DPP6: variants seen among roughly 807,000 people sequenced by gnomAD.
The protein encoded by DPP6 is dipeptidyl peptidase like 6.
Under a neutral mutation model 122.6 loss-of-function variants are expected in DPP6, and 69 were observed. The ratio of observed to expected loss-of-function variants is 0.56; its 90% CI spans 0.46 to 0.69. The LOEUF (loss-of-function observed/expected upper bound fraction) is 0.69. DPP6 is among the 30% of genes least tolerant of loss of function. The pLI, the probability that DPP6 is intolerant of heterozygous loss-of-function variation, is 0.00. For missense variants in DPP6, 928 were observed against 1,116.9 expected (o/e 0.83, Z 2.41); for synonymous variants, 418 against 433.1 (o/e 0.97, Z 0.43).
At chr7:154,505,793 CT>C (rs1250488164) in intron 3 of DPP6, among the ~76,000 whole-genome samples, 1 of 152,092 alleles carries the variant, frequency 6.6e-6, no homozygotes, top group Non-Finnish European at 1.5e-5. Context: ...TAAAGTCGTA[CT>C]TGTCATTTTC....
At position 154,624,313 on chromosome 7, in the gene DPP6, T is replaced by C. The variant is rs1165220300; in HGVS notation, c.628-13508T>C. ...CTGCACTCCAGCCAGGGCGACAGAG[T>C]GAGACTCCATCTTAAAAAAAAAAAA... On this transcript the variant is annotated intron_variant, in intron 5 of 25. Transcript: ENST00000377770. This position sits in a 1 kb window ranked among gnomAD's most constrained non-coding sequence, Gnocchi z 4.7. 8.0e-6 allele frequency among the ~76,000 whole-genome samples: 1 copy of C among 124,322 alleles called. No individual in the cohort carries two copies. The highest frequency in any genetic ancestry group is 1.6e-5 in the Non-Finnish European group (1 of 61,374). The allele number at this position is 124,322 out of a possible 152,430, so 81.6% of individuals were successfully genotyped here.
intron 9 of DPP6, 108 bp from the exon 10 acceptor site, chr7:154,772,737 G>A (rs1194212444): frequency 6.9e-6 from 10 of 1,449,772 alleles, no homozygotes; most frequent in Non-Finnish European, 9.4e-6. Flanking sequence ...TGGAGCTCCA[G>A]TGTCCTGGAG....
At chr7:154,371,942 T>C (rs1322613451) in intron 1 of DPP6, among the ~76,000 whole-genome samples, 1 of 152,124 alleles carries the variant, frequency 6.6e-6, no homozygotes, top group African/African-American at 2.4e-5. Flanking sequence ...CCTGGTTTTA[T>C]GATGCGGGCA....
chr7:154,491,182 T>G (rs537832499), intron 3 of DPP6, among the ~76,000 whole-genome samples: 26 of 152,200 alleles, frequency 1.7e-4, no homozygotes, highest in Non-Finnish European at 3.1e-4. Flanking sequence ...AAAGTACTTA[T>G]GTTCCTCAAT....
At chr7:153,992,283 T>C (rs1416313363) in intron 1 of DPP6, among the ~76,000 whole-genome samples, 1 of 152,202 alleles carries the variant, frequency 6.6e-6, no homozygotes, top group Non-Finnish European at 1.5e-5. Context: ...AAATGTCCTA[T>C]CACATTTTAT....
chr7:154,584,266 T>A (rs1382605208), intron 5 of DPP6, among the ~76,000 whole-genome samples: 1 of 152,224 alleles, frequency 6.6e-6, no homozygotes, highest in Non-Finnish European at 1.5e-5. Context: ...TTCCCTCTGC[T>A]GGGAGCACCT....
chr7:154,198,421 C>G (rs1313788186), intron 1 of DPP6, among the ~76,000 whole-genome samples: 1 of 152,072 alleles, frequency 6.6e-6, no homozygotes, highest in Admixed American at 6.5e-5. Flanking sequence ...AAGTGATTCT[C>G]GTGCCTCAGC....
intron 3 of DPP6, among the ~76,000 whole-genome samples, chr7:154,531,238 G>T (rs981799132): frequency 6.6e-6 from 1 of 152,098 alleles, no homozygotes; most frequent in African/African-American, 2.4e-5. Context: ...ATAACAGTCA[G>T]CTTCAAAAGC....
intron 10 of DPP6, among the ~76,000 whole-genome samples, chr7:154,787,359 C>T (rs539908629): frequency 6.6e-6 from 1 of 152,170 alleles, no homozygotes; most frequent in South Asian, 2.1e-4. Flanking sequence ...CCAACACCAT[C>T]GATTGTGGAA....
intron 6 of DPP6, among the ~76,000 whole-genome samples, chr7:154,647,092 C>A (rs1265706670): frequency 1.3e-5 from 2 of 152,144 alleles, no homozygotes; most frequent in Non-Finnish European, 2.9e-5. Context: ...CTGGGGGACC[C>A]CATAAATGTT....
rs1833548909 is a variant in DPP6 at position 154,605,167 on chromosome 7, A to G, written c.628-32654A>G. ...TGATCGTATTGTTCCTTTTTGTTTA[A>G]TCTACTACTATAATGATTTACCTAA... On this transcript the variant is annotated intron_variant, in intron 5 of 25. Coordinates refer to ENST00000377770, the MANE Select transcript of DPP6 (RefSeq NM_130797.4). Among the ~76,000 whole-genome samples, 3 of 119,146 alleles carry G rather than the reference A, an allele frequency of 2.5e-5. 1 individual carries two copies. Among genetic ancestry groups the G allele is most frequent in the Non-Finnish European group, 3.8e-5 (2 of 52,964 alleles). 78.2% of individuals were successfully genotyped at this position (119,146 alleles called of 152,430 possible).
the DPP6 span, among the ~76,000 whole-genome samples, chr7:153,759,815 TA>T: frequency 6.6e-6 from 1 of 152,250 alleles, no homozygotes; most frequent in Non-Finnish European, 1.5e-5. Context: ...AAGTGCTTTT[TA>T]AGTATCTATG....
At chr7:153,845,015 G>A in the DPP6 span, among the ~76,000 whole-genome samples, 1 of 152,122 alleles carries the variant, frequency 6.6e-6, no homozygotes, top group Non-Finnish European at 1.5e-5. Context: ...TAAAAAGTAG[G>A]ACATTCACCA....
intron 3 of DPP6, among the ~76,000 whole-genome samples, chr7:154,527,187 G>A (rs776954920): frequency 4.6e-5 from 7 of 152,082 alleles, no homozygotes; most frequent in Non-Finnish European, 7.4e-5. Flanking sequence ...ATGCATAGTC[G>A]ATGAGCTTCA....
chr7:153,991,836 A>G (rs556540767), intron 1 of DPP6, among the ~76,000 whole-genome samples: 35 of 151,830 alleles, frequency 2.3e-4, no homozygotes, highest in African/African-American at 8.0e-4. Flanking sequence ...ACTACTCTCC[A>G]TCTTTAACTT....
intron 16 of DPP6, among the ~76,000 whole-genome samples, chr7:154,837,935 A>G (rs922743286): frequency 1.1e-4 from 16 of 152,178 alleles, no homozygotes; most frequent in Admixed American, 1.3e-4. Context: ...ATTTCAAAGC[A>G]AAGAAAATAA....
chr7:154,593,213 C>T (rs1186378862), intron 5 of DPP6, among the ~76,000 whole-genome samples: 5 of 152,164 alleles, frequency 3.3e-5, no homozygotes, highest in African/African-American at 9.7e-5. Flanking sequence ...TGCAGTTTAC[C>T]GCACTCTGTG....
At chr7:154,645,255 C>T (rs185509519) in intron 6 of DPP6, among the ~76,000 whole-genome samples, 2,559 of 151,664 alleles carry the variant, frequency 0.017, 79 homozygotes, top group African/African-American at 0.057. Context: ...TTAGTAGAGA[C>T]GGGGTTTCAC....
chr7:154,387,976 A>G (rs1586132501), intron 1 of DPP6, among the ~76,000 whole-genome samples: 1 of 152,004 alleles, frequency 6.6e-6, no homozygotes, highest in Non-Finnish European at 1.5e-5. Flanking sequence ...CTCAGCACCT[A>G]GAAGAGTACA....
Sources: allele counts gnomAD v4.1 joint callset (sites outside exome capture counted in the v4.1 genomes callset), GRCh38; gene constraint gnomAD v4.1.1; non-coding constraint Gnocchi (gnomAD v3.1); transcripts MANE v1.5; gene names NCBI Gene and HGNC (gene_info 2026-07-23, HGNC 2026-07-21).